The following FBXL7 variants were observed in gnomAD, a reference collection of about 807,000 sequenced individuals.
The protein encoded by FBXL7 is F-box and leucine rich repeat protein 7.
Under a neutral mutation model 38.3 loss-of-function variants are expected in FBXL7, and 12 were observed. The observed-to-expected ratio is 0.31, with a 90% CI of 0.20 to 0.51. The LOEUF is 0.51. Among genes scored for constraint, FBXL7 ranks in the 20% least tolerant of loss-of-function variants. The pLI is 0.98. For missense variants in FBXL7, 567 were observed against 676.4 expected, an observed-to-expected ratio of 0.84 and a Z score of 1.79; for synonymous variants, 297 against 300.9, an observed-to-expected ratio of 0.99 and a Z score of 0.13.
chr5:15,886,938 T>C (rs565905280), intron 2 of FBXL7, among the ~76,000 whole-genome samples: 1 of 152,192 alleles, frequency 6.6e-6, no homozygotes, highest in Non-Finnish European at 1.5e-5. Flanking sequence ...AGCAAGTTCA[T>C]TGTGGCTCAC....
chr5:15,803,545 T>C (rs909417492), intron 2 of FBXL7, among the ~76,000 whole-genome samples: 13 of 148,436 alleles, frequency 8.8e-5, no homozygotes, highest in Non-Finnish European at 1.3e-4. Context: ...ATCCTTCCTC[T>C]CATCTCCCTC....
intron 2 of FBXL7, among the ~76,000 whole-genome samples, chr5:15,828,528 A>T (rs1340096538): frequency 6.6e-6 from 1 of 152,160 alleles, no homozygotes; most frequent in Non-Finnish European, 1.5e-5. Context: ...AACTGAATAG[A>T]ACATATAAAT....
At chr5:15,692,609 A>G (rs1743218059) in intron 2 of FBXL7, among the ~76,000 whole-genome samples, 1 of 152,216 alleles carries the variant, frequency 6.6e-6, no homozygotes, top group African/African-American at 2.4e-5. Flanking sequence ...ACCCCTGGCC[A>G]TAGAAGTGGG....
At chr5:15,706,678 GAAAAAACA>G (rs1161737623) in intron 2 of FBXL7, among the ~76,000 whole-genome samples, 2 of 151,882 alleles carry the variant, frequency 1.3e-5, no homozygotes, top group African/African-American at 2.4e-5. Context: ...TTTGCTGTTG[GAAAAAACA>G]AAAAAACAAA....
chr5:15,810,883 C>CT (rs1427829586), intron 2 of FBXL7, among the ~76,000 whole-genome samples: 2 of 152,180 alleles, frequency 1.3e-5, no homozygotes, highest in East Asian at 3.9e-4. Context: ...CCAGTAGGCA[C>CT]TTAACACATA....
chr5:15,676,512 C>G (rs1056303512), intron 2 of FBXL7, among the ~76,000 whole-genome samples: 3 of 152,178 alleles, frequency 2.0e-5, no homozygotes, highest in African/African-American at 7.2e-5. Flanking sequence ...CTTACTCAAG[C>G]TTTTCAAAAC....
chr5:15,839,564 A>G (rs1738686257), intron 2 of FBXL7, among the ~76,000 whole-genome samples: 1 of 152,022 alleles, frequency 6.6e-6, no homozygotes, highest in South Asian at 2.1e-4. Flanking sequence ...GTATTGGTTC[A>G]TTCTAATGAA....
chr5:15,716,455 C>G (rs572244076), intron 2 of FBXL7, among the ~76,000 whole-genome samples: 4 of 152,158 alleles, frequency 2.6e-5, no homozygotes, highest in African/African-American at 7.2e-5. Context: ...ATTGCTGCCC[C>G]CTCTGTGTCT....
At chr5:15,823,595 G>T (rs1359804542) in intron 2 of FBXL7, among the ~76,000 whole-genome samples, 1 of 152,138 alleles carries the variant, frequency 6.6e-6, no homozygotes, top group Non-Finnish European at 1.5e-5. Context: ...GGCTTCCCAG[G>T]TTAATCTGAC....
intron 1 of FBXL7, among the ~76,000 whole-genome samples, chr5:15,521,099 C>T (rs1356197385): frequency 6.6e-6 from 1 of 152,176 alleles, no homozygotes; most frequent in East Asian, 1.9e-4. Context: ...GGACTAATTG[C>T]TAGTTGCCCG....
chr5:15,650,189 G>A (rs1741660456), intron 2 of FBXL7, among the ~76,000 whole-genome samples: 1 of 152,174 alleles, frequency 6.6e-6, no homozygotes, highest in African/African-American at 2.4e-5. Flanking sequence ...ATATCTTAGA[G>A]ATACTGCAGG....
At chr5:15,521,647 G>A (rs1737099125) in intron 1 of FBXL7, among the ~76,000 whole-genome samples, 1 of 152,146 alleles carries the variant, frequency 6.6e-6, no homozygotes, top group African/African-American at 2.4e-5. Context: ...CTCCTCTTTG[G>A]ATTATATCAT....
intron 2 of FBXL7, among the ~76,000 whole-genome samples, chr5:15,893,338 A>AT (rs150436144): frequency 2.2e-3 from 329 of 152,294 alleles, no homozygotes; most frequent in African/African-American, 7.3e-3. Context: ...ATGCTATGAA[A>AT]TTATGAAACA....
intron 2 of FBXL7, among the ~76,000 whole-genome samples, chr5:15,701,040 G>A (rs996734600): frequency 6.6e-6 from 1 of 152,076 alleles, no homozygotes; most frequent in Admixed American, 6.5e-5. Flanking sequence ...TGTATATTGT[G>A]TCTTGCTGAG....
chr5:15,638,944 C>T (rs529358617), intron 2 of FBXL7, among the ~76,000 whole-genome samples: 6 of 152,274 alleles, frequency 3.9e-5, no homozygotes, highest in Admixed American at 2.6e-4. Flanking sequence ...GAAGTTCAGT[C>T]GGAGCTACCT....
At chr5:15,660,285 A>G (rs1742017577) in intron 2 of FBXL7, among the ~76,000 whole-genome samples, 1 of 152,196 alleles carries the variant, frequency 6.6e-6, no homozygotes, top group African/African-American at 2.4e-5. Context: ...ATTAACAATC[A>G]CTGAAGCAGC....
At chr5:15,772,254 A>G (rs1187320865) in intron 2 of FBXL7, among the ~76,000 whole-genome samples, 1 of 152,130 alleles carries the variant, frequency 6.6e-6, no homozygotes, top group Non-Finnish European at 1.5e-5. Context: ...AGTTCAACCT[A>G]AGGGAGATGT....
chr5:15,584,768 T>G (rs1739253561), intron 1 of FBXL7, among the ~76,000 whole-genome samples: 1 of 152,192 alleles, frequency 6.6e-6, no homozygotes, highest in African/African-American at 2.4e-5. Flanking sequence ...ATTTTCACAC[T>G]GCTATAAAGA....
chr5:15,654,067 C>T (rs755113993), intron 2 of FBXL7, among the ~76,000 whole-genome samples: 3 of 152,148 alleles, frequency 2.0e-5, no homozygotes, highest in African/African-American at 2.4e-5. Context: ...TGCAAATGTC[C>T]ATTTAACTTT....
Sources: gnomAD v4.1 joint callset for allele counts (sites outside exome capture counted in the v4.1 genomes callset) on GRCh38, gnomAD v4.1.1 for gene constraint, MANE v1.5 for transcripts, NCBI Gene and HGNC (gene_info 2026-07-23, HGNC 2026-07-21) for gene names.